CAMKMT: variants seen among roughly 807,000 people sequenced by gnomAD.
CAMKMT encodes the protein calmodulin-lysine N-methyltransferase, also known as CaM KMT.
CAMKMT carries 53 observed loss-of-function variants against 48.0 expected under a neutral mutation model. The ratio of observed to expected loss-of-function variants is 1.10; its 90% CI spans 0.89 to 1.39. CAMKMT has a LOEUF of 1.39. Among genes scored for constraint, CAMKMT ranks in the 40% most tolerant of loss-of-function variants. The probability of loss-of-function intolerance (pLI) is 0.00; values close to 1 mark genes in which losing one functional copy is unlikely to be tolerated. For synonymous variants in CAMKMT, 165 were observed against 152.3 expected, an observed-to-expected ratio of 1.08 and a Z score of -0.61; for missense variants, 428 against 402.7, an observed-to-expected ratio of 1.06 and a Z score of -0.54.
At chr2:44,732,876 C>T (rs992557155) in intron 7 of CAMKMT, among the ~76,000 whole-genome samples, 4 of 152,124 alleles carry the variant, frequency 2.6e-5, no homozygotes, top group African/African-American at 4.8e-5. Flanking sequence ...GCCTGTAGCT[C>T]GTCTTCATTC....
chr2:44,765,742 G>A (rs1680815126), intron 9 of CAMKMT, among the ~76,000 whole-genome samples: 1 of 152,128 alleles, frequency 6.6e-6, no homozygotes, highest in African/African-American at 2.4e-5. Context: ...AGAAAAGGCT[G>A]TTTACCCTCA....
intron 3 of CAMKMT, chr2:44,456,638 A>C: frequency 6.5e-7 from 1 of 1,546,600 alleles, no homozygotes; most frequent in African/African-American, 1.4e-5. Context: ...TAAATGGTAA[A>C]TATGCCTGGG....
intron 3 of CAMKMT, among the ~76,000 whole-genome samples, chr2:44,412,032 C>G (rs1255330609): frequency 8.2e-6 from 1 of 121,286 alleles, no homozygotes; most frequent in Non-Finnish European, 1.6e-5. Context: ...TAGATTTGCA[C>G]TGAATCCTCC....
At chr2:44,396,546 G>A (rs1681859279) in intron 3 of CAMKMT, among the ~76,000 whole-genome samples, 2 of 152,042 alleles carry the variant, frequency 1.3e-5, no homozygotes, top group African/African-American at 4.8e-5. Flanking sequence ...TTTTAAAAGT[G>A]AGATAATTTT....
chr2:44,390,795 A>T (rs1258121657), intron 3 of CAMKMT, among the ~76,000 whole-genome samples: 1 of 152,184 alleles, frequency 6.6e-6, no homozygotes, highest in Non-Finnish European at 1.5e-5. Context: ...TGTTTGATGC[A>T]GTATTACAAT....
chr2:44,698,121 A>G (rs879642598), intron 3 of CAMKMT, among the ~76,000 whole-genome samples: 1 of 152,242 alleles, frequency 6.6e-6, no homozygotes. Flanking sequence ...ATTGAGATAT[A>G]ATTCACATAC....
chr2:44,537,565 T>C (rs79550448), intron 3 of CAMKMT, among the ~76,000 whole-genome samples: 4,405 of 152,132 alleles, frequency 0.029, 213 homozygotes, highest in African/African-American at 0.1. Flanking sequence ...ACTCTTTTTT[T>C]TTTCTTTCTT....
At chr2:44,383,510 T>C (rs1457811081) in intron 2 of CAMKMT, among the ~76,000 whole-genome samples, 2 of 152,150 alleles carry the variant, frequency 1.3e-5, no homozygotes, top group Non-Finnish European at 2.9e-5. Flanking sequence ...CCATAAGTTA[T>C]TGGGGTATAG....
intron 3 of CAMKMT, among the ~76,000 whole-genome samples, chr2:44,399,896 A>G (rs886610823): frequency 6.6e-6 from 1 of 152,202 alleles, no homozygotes; most frequent in Non-Finnish European, 1.5e-5. Flanking sequence ...ATTATTAACA[A>G]TGCTTACTTT....
chr2:44,444,624 CAA>C (rs1666870493), intron 3 of CAMKMT, among the ~76,000 whole-genome samples: 1 of 152,114 alleles, frequency 6.6e-6, no homozygotes, highest in Non-Finnish European at 1.5e-5. Context: ...AGCTACTGTT[CAA>C]GTTATACACA....
chr2:44,621,707 G>T (rs1378818233), intron 3 of CAMKMT, among the ~76,000 whole-genome samples: 1 of 152,212 alleles, frequency 6.6e-6, no homozygotes, highest in Admixed American at 6.5e-5. Flanking sequence ...GCCTTGTAGG[G>T]CAGAGTAACG....
intron 8 of CAMKMT, 88 bp downstream of exon 8, chr2:44,743,784 C>A: frequency 1.1e-6 from 1 of 908,286 alleles, no homozygotes; most frequent in Non-Finnish European, 1.7e-6. Flanking sequence ...GACGGCTAAG[C>A]AAAGTCAACA....
At chr2:44,474,340 G>A (rs933614117) in intron 3 of CAMKMT, among the ~76,000 whole-genome samples, 6 of 151,656 alleles carry the variant, frequency 4.0e-5, no homozygotes, top group Non-Finnish European at 5.9e-5. Context: ...CCAGCTACTC[G>A]GGAGGCTGAG....
At chr2:44,534,446 A>G (rs1666656311) in intron 3 of CAMKMT, among the ~76,000 whole-genome samples, 1 of 152,196 alleles carries the variant, frequency 6.6e-6, no homozygotes, top group Admixed American at 6.5e-5. Context: ...TCTTCTCATC[A>G]TTATATTGAA....
chr2:44,370,569 A>G (rs1489832019), intron 1 of CAMKMT, among the ~76,000 whole-genome samples: 1 of 151,900 alleles, frequency 6.6e-6, no homozygotes, highest in Non-Finnish European at 1.5e-5. Context: ...AGGATTTATC[A>G]GTTTTATCAA....
intron 3 of CAMKMT, among the ~76,000 whole-genome samples, chr2:44,678,867 C>G (rs1675866432): frequency 6.6e-6 from 1 of 152,186 alleles, no homozygotes; most frequent in Non-Finnish European, 1.5e-5. Flanking sequence ...CTGCTACTCA[C>G]TTTTCTTTAT....
intron 3 of CAMKMT, among the ~76,000 whole-genome samples, chr2:44,679,428 C>G (rs979201201): frequency 6.6e-6 from 1 of 152,118 alleles, no homozygotes; most frequent in Non-Finnish European, 1.5e-5. Context: ...GGGAAACAGT[C>G]TTTGAACTTC....
intron 3 of CAMKMT, among the ~76,000 whole-genome samples, chr2:44,405,353 T>C (rs1682710091): frequency 6.6e-6 from 1 of 152,120 alleles, no homozygotes; most frequent in Non-Finnish European, 1.5e-5. Flanking sequence ...CATACAATAT[T>C]ATATAGCAAT....
At chr2:44,596,137 A>G (rs1200526231) in intron 3 of CAMKMT, among the ~76,000 whole-genome samples, 2 of 152,096 alleles carry the variant, frequency 1.3e-5, no homozygotes, top group Non-Finnish European at 2.9e-5. Flanking sequence ...TAATTTAAAA[A>G]AAAAAAAAGA....
Sources: allele counts gnomAD v4.1 joint callset (sites outside exome capture counted in the v4.1 genomes callset), GRCh38; gene constraint gnomAD v4.1.1; transcripts MANE v1.5; gene names NCBI Gene and HGNC (gene_info 2026-07-23, HGNC 2026-07-21).